NCOA1: variants seen among roughly 807,000 people sequenced by gnomAD.
NCOA1 encodes Hin-2 protein.
Under a neutral mutation model 150.9 loss-of-function variants are expected in NCOA1, and 35 were observed. The observed-to-expected ratio is 0.23, with a 90% CI of 0.18 to 0.31. NCOA1 has a LOEUF of 0.31. Among genes scored for constraint, NCOA1 ranks in the 10% least tolerant of loss-of-function variants. NCOA1 has a pLI of 1.00. For missense variants in NCOA1, 1,491 were observed against 1,749.3 expected (o/e 0.85, Z 2.63); for synonymous variants, 590 against 630.0 (o/e 0.94, Z 0.95).
chr2:24,537,263 CACACAG>C (rs1190400326), intron 1 of NCOA1, among the ~76,000 whole-genome samples: 41 of 151,806 alleles, frequency 2.7e-4, no homozygotes, highest in Non-Finnish European at 4.9e-4. Context: ...CACACACACA[CACACAG>C]ACACACAAAC....
chr2:24,706,834 T>C lies in NCOA1; in HGVS notation c.1364T>C (p.Leu455Ser), dbSNP rs1186679893. 1.2e-6 allele frequency: 2 copies of C among 1,614,062 alleles called. No individual in the cohort carries two copies. The highest frequency in any genetic ancestry group is 2.7e-5 in the African/African-American group (2 of 74,920). ...PGSQIVANVA[L>S]NQGQASSQSS... ...AGTCAGATTGTAGCCAATGTTGCCT[T>C]AAACCAAGGACAGGCCAGTTCACAG... The change falls in exon 13 of 23, where the codon TTA becomes TCA. Residue 455 changes from leucine (L) to serine (S), a missense_variant. Around this residue, in one of 8 missense-constraint regions of NCOA1, gnomAD observed 703 missense variants for 717.7 expected, o/e 0.98. Transcript: ENST00000348332.
At chr2:24,677,420 T>G (rs1671966817) in intron 7 of NCOA1, among the ~76,000 whole-genome samples, 1 of 151,904 alleles carries the variant, frequency 6.6e-6, no homozygotes, top group African/African-American at 2.4e-5. Context: ...GATGTTTTTG[T>G]TTGGTTGGTT....
At chr2:24,674,123 ATG>A (rs146841550) in intron 7 of NCOA1, among the ~76,000 whole-genome samples, 17,278 of 145,524 alleles carry the variant, frequency 0.12, 3,180 homozygotes, top group African/African-American at 0.4. Flanking sequence ...ATATGTATGT[ATG>A]TGTGTGTGTG....
chr2:24,752,855 G>C (rs1414208026), intron 20 of NCOA1, among the ~76,000 whole-genome samples: 1 of 150,426 alleles, frequency 6.6e-6, no homozygotes. Context: ...CACCCATCTT[G>C]CTTAGAATTA....
intron 2 of NCOA1, among the ~76,000 whole-genome samples, chr2:24,566,781 A>G (rs1421993152): frequency 1.3e-5 from 2 of 152,194 alleles, no homozygotes; most frequent in Non-Finnish European, 2.9e-5. Flanking sequence ...GTTGGCACCC[A>G]CCCAGCTGGG....
At chr2:24,655,121 A>C (rs894673222) in intron 4 of NCOA1, among the ~76,000 whole-genome samples, 1 of 152,222 alleles carries the variant, frequency 6.6e-6, no homozygotes, top group Non-Finnish European at 1.5e-5. Context: ...TCACTGCTCT[A>C]TCTCTAGTGC....
chr2:24,616,714 T>C (rs1348709795), intron 3 of NCOA1, among the ~76,000 whole-genome samples: 1 of 152,186 alleles, frequency 6.6e-6, no homozygotes, highest in Admixed American at 6.5e-5. Context: ...TGTAGTTTTT[T>C]ATATGTACTG....
Position 24,572,648 on chromosome 2 carries a change from C to T in NCOA1, c.-260+8218C>T, listed in dbSNP as rs1051117072. Among the ~76,000 whole-genome samples the T allele has an allele frequency of 6.9e-4, 105 of 152,246 alleles. 1 individual carries two copies. The highest frequency in any genetic ancestry group is 2.4e-3 in the African/African-American group (100 of 41,550). ...AAAGTTATGGTATTTTTCTGTACTC[C>T]ATCACCTCCCTCTCTCCACCCGAGC... On this transcript the variant is annotated intron_variant, in intron 2 of 22. Coordinates refer to ENST00000348332, the MANE Select transcript of NCOA1 (RefSeq NM_003743.5).
At position 24,707,008 on chromosome 2, in the gene NCOA1, C is replaced by T. The variant is rs778193446; in HGVS notation, c.1538C>T (p.Ser513Leu). The stretch of plus-strand genomic sequence containing the variant: ...AACAATTCCTTTCCTCCTAATATTT[C>T]GACATTAAGCTCTCCCGTTGGCATG... The part of the protein sequence containing the change: ...MPNNSFPPNI[S>L]TLSSPVGMTS... Residue 513 changes from serine to leucine, a missense_variant, in exon 13 of 23, where the codon TCG (serine) becomes TTG (leucine). Physicochemically the swap from Ser to Leu is moderately radical, Grantham distance 145. This residue lies in a region of NCOA1 where 703 missense variants were observed against 717.7 expected (regional missense o/e 0.98). Coordinates refer to ENST00000348332, the MANE Select transcript of NCOA1 (RefSeq NM_003743.5). 4.2e-5 allele frequency: 67 copies of T among 1,613,974 alleles called. No homozygotes were observed. The highest frequency in any genetic ancestry group is 3.5e-4 in the African/African-American group (26 of 74,888).
intron 5 of NCOA1, among the ~76,000 whole-genome samples, chr2:24,661,227 G>A (rs573174398): frequency 6.6e-6 from 1 of 152,172 alleles, no homozygotes; most frequent in South Asian, 2.1e-4. Flanking sequence ...ATGGGTGTGG[G>A]GTTATAGTTT....
chr2:24,505,157 T>C (rs1254786518), intron 1 of NCOA1, among the ~76,000 whole-genome samples: 1 of 152,060 alleles, frequency 6.6e-6, no homozygotes, highest in Non-Finnish European at 1.5e-5. Flanking sequence ...AACCTTAGAC[T>C]TTCTGACTGT....
chr2:24,603,666 T>A (rs528078772), intron 3 of NCOA1, among the ~76,000 whole-genome samples: 1 of 152,340 alleles, frequency 6.6e-6, no homozygotes, highest in East Asian at 1.9e-4. Context: ...TTGCAGCAAT[T>A]TAGTCACTTT....
intron 3 of NCOA1, among the ~76,000 whole-genome samples, chr2:24,609,725 C>CT (rs11350753): frequency 1.0e-4 from 15 of 147,940 alleles, no homozygotes; most frequent in Admixed American, 3.4e-4. Flanking sequence ...ATATTTGTGC[C>CT]TTTTTTTTTT....
chr2:24,700,146 ATAAT>A (rs1673090345), intron 11 of NCOA1, among the ~76,000 whole-genome samples: 1 of 105,600 alleles, frequency 9.5e-6, no homozygotes, highest in Admixed American at 8.7e-5. Context: ...TTCATCGCTA[ATAAT>A]AATAATAATA....
rs1199976412 is a variant in NCOA1 at position 24,527,089 on chromosome 2, G to A, written c.-396+35487G>A. Reference sequence around the variant, plus strand: ...CTAATCCCCCACAGATATGAGGAATGACTATATAGTAAAATAGTTACTATA... The same window carrying A: ...CTAATCCCCCACAGATATGAGGAATAACTATATAGTAAAATAGTTACTATA... On this transcript the variant is annotated intron_variant, in intron 1 of 22. Transcript: ENST00000348332. 2.0e-5 allele frequency among the ~76,000 whole-genome samples: 3 copies of A among 152,260 alleles called. No individual in the cohort carries two copies. The East Asian group carries it at 5.8e-4, about 29-fold the overall frequency.
In NCOA1 at chr2:24,707,372, G is replaced by A. The variant is rs200742364; in HGVS notation, c.1902G>A (p.Val634=). ...ACTCTCAAACCAGTCACAAACTAGTGCAGCTTTTGACAACAACTGCCGAAC... is the reference window on the plus strand; with the variant it reads ...ACTCTCAAACCAGTCACAAACTAGTACAGCTTTTGACAACAACTGCCGAAC... ...SKYSQTSHKL[V]QLLTTTAEQQ... Residue 634 remains valine (V), a synonymous_variant, in exon 13 of 23, where the codon GTG becomes GTA. Coordinates refer to ENST00000348332, the MANE Select transcript of NCOA1 (RefSeq NM_003743.5). The A allele has an allele frequency of 6.1e-5, 98 of 1,614,192 alleles. No individual in the cohort carries two copies. In the South Asian group the frequency reaches 1.0e-3, roughly 17 times the overall value.
intron 3 of NCOA1, among the ~76,000 whole-genome samples, chr2:24,638,474 T>C (rs1255150927): frequency 1.3e-5 from 2 of 152,134 alleles, no homozygotes; most frequent in Non-Finnish European, 2.9e-5. Context: ...ATAATACTGA[T>C]TTCCTTTTAT....
Position 24,682,936 on chromosome 2 carries a change from CTTTTGGTT to C in NCOA1, c.355-12_355-5del. On this transcript the variant is annotated splice_region_variant and splice_polypyrimidine_tract_variant and intron_variant, in intron 7 of 22. Transcript: ENST00000348332. ...CTTTCAACCTCCAAACCATTTTTTT[CTTTTGGTT>C]TTGCAGGCTTTGGATGGATTTTTCT... The C allele has an allele frequency of 2.6e-6, 4 of 1,567,090 alleles. No individual in the cohort carries two copies. Among genetic ancestry groups the C allele is most frequent in the Non-Finnish European group, 3.4e-6 (4 of 1,165,964 alleles).
At chr2:24,743,527 G>A (rs1019619514) in intron 19 of NCOA1, among the ~76,000 whole-genome samples, 4 of 152,202 alleles carry the variant, frequency 2.6e-5, no homozygotes, top group Non-Finnish European at 4.4e-5. Context: ...ATCTGTGTGG[G>A]CGAGAAAAGG....
Sources: gnomAD v4.1 joint callset for allele counts (sites outside exome capture counted in the v4.1 genomes callset) on GRCh38, gnomAD v4.1.1 for gene constraint, gnomAD v4.1.1 regional missense constraint, MANE v1.5 for transcripts, NCBI Gene and HGNC (gene_info 2026-07-23, HGNC 2026-07-21) for gene names.